CYP19A1: variants seen among roughly 807,000 people sequenced by gnomAD.
CYP19A1 encodes the protein cytochrome P450 family 19 subfamily A member 1.
CYP19A1 carries 32 observed loss-of-function variants against 44.4 expected under a neutral mutation model. The observed-to-expected ratio is 0.72, with a 90% CI of 0.54 to 0.97. The LOEUF (loss-of-function observed/expected upper bound fraction) is 0.97, where lower values mean the gene tolerates loss of function less well. CYP19A1 is among the 50% of genes least tolerant of loss of function. CYP19A1 has a pLI of 0.00. For synonymous variants in CYP19A1, 212 were observed against 215.6 expected (o/e 0.98, Z 0.14); for missense variants, 598 against 637.8 (o/e 0.94, Z 0.67).
At position 51,242,860 on chromosome 15, in the gene CYP19A1, G is replaced by T; in HGVS notation, c.53C>A (p.Pro18His). 2 of 1,605,270 alleles carry T rather than the reference G, an allele frequency of 1.2e-6. No individual in the cohort carries two copies. Among genetic ancestry groups the T allele is most frequent in the Non-Finnish European group, 1.7e-6 (2 of 1,171,980 alleles). ...CATGGTGGCAGCAGGCATGGCTTCA[G>T]GCACGATGCTGGTGATGTTATAATG... is the stretch of plus-strand genomic sequence containing the variant. The part of the protein sequence containing the change: ...PIHYNITSIV[P>H]EAMPAATMPV... Residue 18 changes from proline to histidine, a missense_variant, in exon 2 of 10, where the codon CCT becomes CAT. Physicochemically the swap from Pro to His is moderately conservative, Grantham distance 77 (BLOSUM62 -2). Transcript: ENST00000396402.
chr15:51,320,993 C>A (rs1047215801), intron 1 of CYP19A1: 2 of 152,326 alleles, frequency 1.3e-5, no homozygotes, highest in African/African-American at 2.4e-5. Context: ...TCGACAGCCA[C>A]CTGTGGCTCA....
At chr15:51,292,693 T>C (rs1469510356) in intron 1 of CYP19A1, among the ~76,000 whole-genome samples, 1 of 152,198 alleles carries the variant, frequency 6.6e-6, no homozygotes, top group Admixed American at 6.5e-5. Flanking sequence ...CTGCCAAGCT[T>C]TGTATCCATC....
chr15:51,276,939 C>T (rs1474972620), intron 1 of CYP19A1, among the ~76,000 whole-genome samples: 1 of 151,800 alleles, frequency 6.6e-6, no homozygotes. Flanking sequence ...TCAGACAAAG[C>T]ATCCCATTTT....
intron 1 of CYP19A1, among the ~76,000 whole-genome samples, chr15:51,334,511 T>C (rs2036747855): frequency 6.6e-6 from 1 of 152,266 alleles, no homozygotes; most frequent in African/African-American, 2.4e-5. Flanking sequence ...AGTATTAACT[T>C]ACTTCTGTGG....
intron 1 of CYP19A1, among the ~76,000 whole-genome samples, chr15:51,326,172 A>T (rs2470146): frequency 6.6e-6 from 1 of 152,096 alleles, no homozygotes; most frequent in Non-Finnish European, 1.5e-5. Context: ...GTCCTCCCCA[A>T]ATGTTCCCAG....
chr15:51,226,901 T>C (rs896626401), intron 4 of CYP19A1, among the ~76,000 whole-genome samples: 2 of 152,098 alleles, frequency 1.3e-5, no homozygotes, highest in Non-Finnish European at 2.9e-5. Context: ...TCCTCAACTG[T>C]TAAAATCAGA....
chr15:51,265,912 C>T (rs2034901641), intron 1 of CYP19A1, among the ~76,000 whole-genome samples: 1 of 152,180 alleles, frequency 6.6e-6, no homozygotes, highest in Non-Finnish European at 1.5e-5. Flanking sequence ...TCCCTGGATG[C>T]CCACTGAGCC....
At chr15:51,321,653 C>T (rs904466699) in intron 1 of CYP19A1, 1 of 152,278 alleles carries the variant, frequency 6.6e-6, no homozygotes, top group Admixed American at 6.5e-5. Context: ...CATCTACAGG[C>T]TCCATGAAGT....
At chr15:51,297,192 T>C (rs1208972471) in intron 1 of CYP19A1, among the ~76,000 whole-genome samples, 1 of 152,210 alleles carries the variant, frequency 6.6e-6, no homozygotes. Context: ...GCCCACATTA[T>C]TCTGATGGAG....
intron 1 of CYP19A1, among the ~76,000 whole-genome samples, chr15:51,280,342 C>A (rs992593961): frequency 2.6e-5 from 4 of 152,122 alleles, no homozygotes; most frequent in East Asian, 1.9e-4. Context: ...TCGTGATCCA[C>A]CCCCCTTGGC....
chr15:51,324,300 T>C (rs986180329), intron 1 of CYP19A1, among the ~76,000 whole-genome samples: 4 of 152,266 alleles, frequency 2.6e-5, no homozygotes, highest in Admixed American at 6.5e-5. Flanking sequence ...TTCTTGGGAA[T>C]TATTCTAGTT....
chr15:51,219,202 C>G (rs1158904766), intron 5 of CYP19A1, among the ~76,000 whole-genome samples: 1 of 152,188 alleles, frequency 6.6e-6, no homozygotes, highest in Non-Finnish European at 1.5e-5. Flanking sequence ...ACACTCATCA[C>G]ATAGCTTTCA....
At chr15:51,316,118 C>G (rs534695885) in intron 1 of CYP19A1, 1 of 152,290 alleles carries the variant, frequency 6.6e-6, no homozygotes, top group East Asian at 1.9e-4. Flanking sequence ...TCAGTTTCCT[C>G]AGTAGTAAAA....
intron 1 of CYP19A1, among the ~76,000 whole-genome samples, chr15:51,313,775 C>T (rs558761131): frequency 2.8e-4 from 43 of 151,980 alleles, no homozygotes; most frequent in African/African-American, 4.1e-4. Context: ...CCAGCCTGGG[C>T]GACAGAGTGA....
chr15:51,286,488 C>T (rs2035702499), intron 1 of CYP19A1, among the ~76,000 whole-genome samples: 1 of 152,158 alleles, frequency 6.6e-6, no homozygotes, highest in Admixed American at 6.5e-5. Flanking sequence ...AGTATGGTAC[C>T]ATCAGCCAGT....
chr15:51,221,899 T>C (rs543298559), intron 5 of CYP19A1: 13 of 186,672 alleles, frequency 7.0e-5, no homozygotes, highest in Non-Finnish European at 1.5e-4. Context: ...ATTTTTATCA[T>C]ATAGGCACAA....
chr15:51,338,126 C>G lies in CYP19A1; in HGVS notation c.-39+369G>C, dbSNP rs1275787671. On this transcript the variant is annotated intron_variant, in intron 1 of 9. Transcript: ENST00000396402. ...CTCATCTCTGCTCTGTCTACTGGAT[C>G]TGGGCTCTGAACTGGGGTGGGAGGT... Among the ~76,000 whole-genome samples the G allele has an allele frequency of 4.6e-5, 7 of 152,270 alleles. No individual in the cohort carries two copies. The East Asian group carries it at 9.7e-4, about 21-fold the overall frequency.
chr15:51,260,823 C>A (rs915924353), intron 1 of CYP19A1, among the ~76,000 whole-genome samples: 1 of 152,306 alleles, frequency 6.6e-6, no homozygotes, highest in Middle Eastern at 3.4e-3. Flanking sequence ...AGGCTATAAA[C>A]CCCAGGCATT....
intron 9 of CYP19A1, 27 bp from the exon 10 acceptor site, chr15:51,211,083 A>G (rs760089569): frequency 8.1e-6 from 12 of 1,481,414 alleles, no homozygotes; most frequent in Non-Finnish European, 1.0e-5. Flanking sequence ...ACAGTTAGCC[A>G]GAATATTAAA....
Sources: gnomAD v4.1 joint callset for allele counts (sites outside exome capture counted in the v4.1 genomes callset) on GRCh38, gnomAD v4.1.1 for gene constraint, MANE v1.5 for transcripts, NCBI Gene and HGNC (gene_info 2026-07-23, HGNC 2026-07-21) for gene names.